Variants in C19orf47 observed in about 807,000 individuals in gnomAD.
The protein encoded by C19orf47 is chromosome 19 open reading frame 47, also known as uncharacterized protein C19orf47.
Under a neutral mutation model 32.3 loss-of-function variants are expected in C19orf47, and 18 were observed. The ratio of observed to expected loss-of-function variants is 0.56; its 90% CI spans 0.39 to 0.83. The LOEUF is 0.83. Ranked by LOEUF, C19orf47 falls within the 40% of genes least tolerant of loss-of-function variation. The pLI is 0.00. For missense variants in C19orf47, 484 were observed against 531.6 expected, an observed-to-expected ratio of 0.91 and a Z score of 0.88; for synonymous variants, 202 against 211.1, an observed-to-expected ratio of 0.96 and a Z score of 0.37.
chr19:40,303,807 A>G, the C19orf47 span, among the ~76,000 whole-genome samples: 2 of 145,234 alleles, frequency 1.4e-5, no homozygotes, highest in South Asian at 2.1e-4. Context: ...TTGTCTGAAA[A>G]AAAAAAAAAA....
the C19orf47 span, among the ~76,000 whole-genome samples, chr19:40,303,533 G>A: frequency 6.9e-6 from 1 of 145,834 alleles, no homozygotes; most frequent in Non-Finnish European, 1.5e-5. Flanking sequence ...AAAAAAGGCC[G>A]GCACAGTGGC....
chr19:40,327,365 G>T (rs1162778686), intron 6 of C19orf47, among the ~76,000 whole-genome samples: 8 of 148,324 alleles, frequency 5.4e-5, no homozygotes, highest in Non-Finnish European at 1.2e-4. Context: ...TCTTGTGCAG[G>T]TTGGTCTTGA....
rs968731536 is a variant in C19orf47 at position 40,321,755 on chromosome 19, T to A, written c.*127A>T. On this transcript the variant is annotated 3_prime_UTR_variant, in exon 9 of 9. Transcript: ENST00000683109. The stretch of plus-strand genomic sequence containing the variant: ...GATCCCCCGAATGCTCGGGCCTAGC[T>A]CTAGAGCCCGAGGGAGACAAGCTGT... 7.0e-7 allele frequency: 1 copy of A among 1,436,256 alleles called. No homozygotes were observed. Among genetic ancestry groups the A allele is most frequent in the African/African-American group, 1.4e-5 (1 of 69,644 alleles). The allele number at this position is 1,436,256 out of a possible 1,614,324, so 89.0% of individuals were successfully genotyped here. A position where few individuals can be genotyped will look rare whatever the true frequency, so the allele number is the denominator to read the frequency against.
downstream of C19orf47, among the ~76,000 whole-genome samples, chr19:40,316,058 C>T (rs543278170): frequency 6.6e-6 from 1 of 152,086 alleles, no homozygotes; most frequent in East Asian, 1.9e-4. Flanking sequence ...AGGGAAATGT[C>T]TCCTCTGCTG....
In C19orf47 at chr19:40,333,872, C is replaced by T. The variant is rs1350283422; in HGVS notation, c.280G>A (p.Glu94Lys). Residue 94 changes from glutamate (E) to lysine (K), a missense_variant, in exon 5 of 9, where the codon GAA (glutamate) becomes AAA (lysine). By Grantham distance (56) the Glu-to-Lys change is moderately conservative (BLOSUM62 1). Transcript: ENST00000683109. ...VPCSPSPLAG[E>K]IRRGTSAASR... ...TCACCACTGGTGCCACGGCGAATTT[C>T]GCCTGCAAGGGGGCTAGGGCTGCAG... The T allele has an allele frequency of 4.4e-6, 7 of 1,577,832 alleles. No homozygotes were observed. The highest frequency in any genetic ancestry group is 1.3e-5 in the African/African-American group (1 of 74,396).
the C19orf47 span, among the ~76,000 whole-genome samples, chr19:40,308,193 GTCGCCAGGC>G: frequency 6.6e-6 from 1 of 150,928 alleles, no homozygotes; most frequent in South Asian, 2.1e-4. Context: ...GTCTCACTCT[GTCGCCAGGC>G]TGGAGTGCAG....
chr19:40,309,549 T>C, the C19orf47 span, among the ~76,000 whole-genome samples: 1 of 152,130 alleles, frequency 6.6e-6, no homozygotes, highest in Non-Finnish European at 1.5e-5. Flanking sequence ...TTGCATCATT[T>C]GAGTGTCAAA....
chr19:40,303,699 G>A, the C19orf47 span, among the ~76,000 whole-genome samples: 4 of 151,188 alleles, frequency 2.6e-5, no homozygotes, highest in Admixed American at 2.6e-4. Flanking sequence ...AGCTACTCAG[G>A]AGGCTGAGGC....
At chr19:40,323,845 C>A (rs2145519483) in intron 8 of C19orf47, among the ~76,000 whole-genome samples, 161 bp downstream of exon 8, 1 of 152,280 alleles carries the variant, frequency 6.6e-6, no homozygotes, top group East Asian at 1.9e-4. Flanking sequence ...GGGCAGAAGA[C>A]AGATGGGAAA....
chr19:40,325,847 A>G (rs1463404530), intron 7 of C19orf47, among the ~76,000 whole-genome samples: 1 of 152,140 alleles, frequency 6.6e-6, no homozygotes, highest in African/African-American at 2.4e-5. Flanking sequence ...GGGGCTCACT[A>G]TGTTGCACGC....
chr19:40,299,027 G>A, the C19orf47 span, among the ~76,000 whole-genome samples: 1 of 152,018 alleles, frequency 6.6e-6, no homozygotes, highest in Non-Finnish European at 1.5e-5. Context: ...TAAAATGCAA[G>A]ATTTTCTTGT....
At chr19:40,325,207 T>C (rs563093103) in intron 7 of C19orf47, among the ~76,000 whole-genome samples, 1 of 150,932 alleles carries the variant, frequency 6.6e-6, no homozygotes, top group South Asian at 2.1e-4. Flanking sequence ...GAAGCGGAAG[T>C]TGCAGTGAGC....
the C19orf47 span, among the ~76,000 whole-genome samples, chr19:40,303,906 C>T: frequency 2.7e-5 from 4 of 150,930 alleles, no homozygotes; most frequent in African/African-American, 9.8e-5. Flanking sequence ...CCTACTCCAA[C>T]TGAAAATGCT....
intron 5 of C19orf47, chr19:40,332,654 A>G (rs1013027534): frequency 6.6e-6 from 1 of 152,116 alleles, no homozygotes; most frequent in East Asian, 1.9e-4. Flanking sequence ...CTCAAAAAAA[A>G]AAAAGAAAAA....
At chr19:40,296,250 T>C in the C19orf47 span, among the ~76,000 whole-genome samples, 1 of 151,820 alleles carries the variant, frequency 6.6e-6, no homozygotes, top group African/African-American at 2.4e-5. Context: ...TACTGAATAC[T>C]GAAGGCAATT....
the C19orf47 span, among the ~76,000 whole-genome samples, chr19:40,306,546 G>A: frequency 6.6e-6 from 1 of 151,776 alleles, no homozygotes; most frequent in African/African-American, 2.4e-5. Flanking sequence ...GGGACTACAG[G>A]CACCCACCAT....
chr19:40,316,295 G>A (rs553167608), downstream of C19orf47, among the ~76,000 whole-genome samples: 7 of 152,316 alleles, frequency 4.6e-5, no homozygotes, highest in East Asian at 1.4e-3. Context: ...ATCCACTGAT[G>A]TGGGCTACCA....
chr19:40,322,130 C>T lies in C19orf47; in HGVS notation c.910G>A (p.Glu304Lys), dbSNP rs757108966. Residue 304 changes from glutamate (E) to lysine (K), a missense_variant, in exon 9 of 9, where the codon GAG becomes AAG. Transcript: ENST00000683109. ...RLALSSRSGL[E>K]RKPESLSKVS... ...TTAGACAAGGACTCCGGCTTCCTCT[C>T]AAGCCCAGACCGTGAGGAAAGCGCC... 46 of 1,613,950 alleles carry T rather than the reference C, an allele frequency of 2.9e-5. No individual in the cohort carries two copies. The Middle Eastern group carries it at 6.6e-4, about 23-fold the overall frequency.
chr19:40,317,737 T>G (rs1218772386), downstream of C19orf47, among the ~76,000 whole-genome samples: 2 of 151,918 alleles, frequency 1.3e-5, no homozygotes, highest in Non-Finnish European at 2.9e-5. Flanking sequence ...TGTTTTTTTT[T>G]TTGAGACAGT....
Sources: allele counts gnomAD v4.1 joint callset (sites outside exome capture counted in the v4.1 genomes callset), GRCh38; gene constraint gnomAD v4.1.1; transcripts MANE v1.5; gene names NCBI Gene and HGNC (gene_info 2026-07-23, HGNC 2026-07-21).